The following MTCL2 variants were observed in gnomAD, a reference collection of about 807,000 sequenced individuals.
The protein encoded by MTCL2 is microtubule crosslinking factor 2, also known as microtubule cross-linking factor 2.
At chr20:36,801,375 T>C in the MTCL2 span, among the ~76,000 whole-genome samples, 1 of 151,968 alleles carries the variant, frequency 6.6e-6, no homozygotes, top group South Asian at 2.1e-4. Context: ...AAAGTATAAA[T>C]AAATGGACAT....
chr20:36,846,875 T>C, the MTCL2 span, among the ~76,000 whole-genome samples: 3 of 152,174 alleles, frequency 2.0e-5, no homozygotes, highest in Non-Finnish European at 4.4e-5. Flanking sequence ...CCAGGCTTGG[T>C]GGCGTGTGCC....
chr20:36,844,400 A>ATAATAAT, the MTCL2 span, among the ~76,000 whole-genome samples: 36 of 145,164 alleles, frequency 2.5e-4, no homozygotes, highest in Admixed American at 4.9e-4. Flanking sequence ...TACAAAAAAA[A>ATAATAAT]AATAATAATA....
At chr20:36,793,055 C>T in the MTCL2 span, 3 of 608,962 alleles carry the variant, frequency 4.9e-6, no homozygotes, top group South Asian at 7.0e-5. The surrounding 1 kb of genome is among the most constrained non-coding windows in gnomAD (Gnocchi z 6.8). Context: ...CAGGTGCATG[C>T]CACCACGCCT....
At chr20:36,828,994 G>A in the MTCL2 span, 21 of 1,462,846 alleles carry the variant, frequency 1.4e-5, no homozygotes, top group Admixed American at 1.7e-4. Context: ...ACTGGCTTGG[G>A]GGGGCTTGCA....
chr20:36,819,451 C>G, the MTCL2 span, among the ~76,000 whole-genome samples: 1 of 152,172 alleles, frequency 6.6e-6, no homozygotes, highest in East Asian at 1.9e-4. Flanking sequence ...GGGACTTGTC[C>G]AAGGTCTCAC....
chr20:36,848,235 G>T, the MTCL2 span, among the ~76,000 whole-genome samples: 1 of 152,182 alleles, frequency 6.6e-6, no homozygotes. Flanking sequence ...GGCAGGGTCT[G>T]TCTACGTAGG....
the MTCL2 span, among the ~76,000 whole-genome samples, chr20:36,840,331 A>AT: frequency 1.3e-3 from 187 of 141,990 alleles, no homozygotes; most frequent in East Asian, 0.023. Flanking sequence ...CGCCTGGCTA[A>AT]TTTTTTTTTT....
the MTCL2 span, among the ~76,000 whole-genome samples, chr20:36,825,188 C>T: frequency 6.6e-6 from 1 of 152,266 alleles, no homozygotes; most frequent in South Asian, 2.1e-4. Context: ...GGTGATCCAC[C>T]CGCCTTGGCC....
the MTCL2 span, among the ~76,000 whole-genome samples, chr20:36,809,645 G>A: frequency 4.7e-5 from 7 of 148,602 alleles, no homozygotes; most frequent in Admixed American, 2.7e-4. Context: ...GGATGATCTC[G>A]GCTCACTGTA....
chr20:36,849,060 C>CTTTT, the MTCL2 span, among the ~76,000 whole-genome samples: 11 of 62,242 alleles, frequency 1.8e-4, 3 homozygotes, highest in South Asian at 2.9e-3. Flanking sequence ...AGTTGGTTTC[C>CTTTT]TTTTTTTTTT....
At chr20:36,831,839 T>C in the MTCL2 span, among the ~76,000 whole-genome samples, 1 of 152,138 alleles carries the variant, frequency 6.6e-6, no homozygotes, top group Non-Finnish European at 1.5e-5. Flanking sequence ...GTGACCCAGG[T>C]TAAGTTATTT....
At chr20:36,793,828 C>G in the MTCL2 span, 1 of 1,543,720 alleles carries the variant, frequency 6.5e-7, no homozygotes, top group Non-Finnish European at 8.7e-7. This position sits in a 1 kb window ranked among gnomAD's most constrained non-coding sequence, Gnocchi z 6.8. Context: ...AGGAGGAGAT[C>G]TGCTTGCTGC....
At chr20:36,784,566 C>A in the MTCL2 span, 1 of 985,514 alleles carries the variant, frequency 1.0e-6, no homozygotes. Flanking sequence ...TCTGGGTCCC[C>A]AGTCAGTTAC....
At chr20:36,825,657 C>T in the MTCL2 span, among the ~76,000 whole-genome samples, 3 of 152,198 alleles carry the variant, frequency 2.0e-5, no homozygotes, top group East Asian at 5.8e-4. Flanking sequence ...GTGACAGCAC[C>T]ACCTCGGCAG....
At chr20:36,840,389 CCAT>C in the MTCL2 span, among the ~76,000 whole-genome samples, 968 of 151,230 alleles carry the variant, frequency 6.4e-3, 8 homozygotes, top group African/African-American at 0.022. Context: ...AGGATGGTCT[CCAT>C]CTCCTGACCT....
At chr20:36,802,535 T>C in the MTCL2 span, among the ~76,000 whole-genome samples, 4 of 152,172 alleles carry the variant, frequency 2.6e-5, no homozygotes, top group Non-Finnish European at 5.9e-5. Flanking sequence ...ACATGACTCA[T>C]ATCTGGCCAA....
At chr20:36,820,305 G>A in the MTCL2 span, among the ~76,000 whole-genome samples, 2 of 152,192 alleles carry the variant, frequency 1.3e-5, no homozygotes, top group African/African-American at 4.8e-5. Flanking sequence ...AGGAGAGCCA[G>A]GGGTCTGCAT....
the MTCL2 span, among the ~76,000 whole-genome samples, chr20:36,808,094 C>T: frequency 1.5e-4 from 23 of 150,658 alleles, no homozygotes; most frequent in Non-Finnish European, 1.9e-4. Context: ...CCAGGATGGT[C>T]TCGATCTCCT....
At chr20:36,846,193 G>T in the MTCL2 span, among the ~76,000 whole-genome samples, 1 of 150,264 alleles carries the variant, frequency 6.7e-6, no homozygotes, top group South Asian at 2.1e-4. Context: ...GCAACAGAGC[G>T]AGACTGTGTC....
Sources: allele counts gnomAD v4.1 joint callset (sites outside exome capture counted in the v4.1 genomes callset), GRCh38; gene constraint gnomAD v4.1.1; non-coding constraint Gnocchi (gnomAD v3.1); transcripts MANE v1.5; gene names NCBI Gene and HGNC (gene_info 2026-07-23, HGNC 2026-07-21).